SYT7: variants seen among roughly 807,000 people sequenced by gnomAD.
SYT7 encodes synaptotagmin 7, also known as synaptotagmin-7.
Under a neutral mutation model 75.1 loss-of-function variants are expected in SYT7, and 29 were observed. The observed-to-expected ratio is 0.39, with a 90% confidence interval of 0.29 to 0.53. SYT7 has a LOEUF of 0.53. Ranked by LOEUF, SYT7 falls within the 20% of genes least tolerant of loss-of-function variation. The probability of loss-of-function intolerance (pLI) is 0.77; values close to 1 mark genes in which losing one functional copy is unlikely to be tolerated. For synonymous variants in SYT7, 376 were observed against 401.7 expected (o/e 0.94, Z 0.76); for missense variants, 693 against 953.2 (o/e 0.73, Z 3.59).
At chr11:61,585,801 C>A (rs1432180756), upstream of SYT7, among the ~76,000 whole-genome samples, 2 of 152,150 alleles carry the variant, frequency 1.3e-5, no homozygotes, top group East Asian at 3.8e-4. Flanking sequence ...AGGGTTTGGA[C>A]CCCAGCATCA....
rs1009728699 is a variant in SYT7 at position 61,540,801 on chromosome 11, G to A, written c.941+1410C>T. 12 of 985,372 alleles carry A rather than the reference G, an allele frequency of 1.2e-5. No individual in the cohort carries two copies. The African/African-American group carries it at 1.4e-4, about 11-fold the overall frequency. 61.0% of individuals were successfully genotyped at this position (985,372 alleles called of 1,614,324 possible). A position where few individuals can be genotyped will look rare whatever the true frequency, so the allele number is the denominator to read the frequency against. ...AGGCTCTCAGTCCTGTTCAAGCCAC[G>A]CAGACCCAATTCCCTCGACTCTCCA... On this transcript the variant is annotated intron_variant, in intron 6 of 12. Transcript: ENST00000539008.
At chr11:61,533,244 G>A (rs936194306) in intron 7 of SYT7, 120 bp from the exon 8 acceptor site, 13 of 1,454,116 alleles carry the variant, frequency 8.9e-6, no homozygotes, top group Middle Eastern at 2.6e-4. Flanking sequence ...CCGGCGGGCC[G>A]GCAGGAGCGG....
At chr11:61,585,470 G>T (rs1482749705), upstream of SYT7, among the ~76,000 whole-genome samples, 2 of 152,144 alleles carry the variant, frequency 1.3e-5, no homozygotes, top group African/African-American at 4.8e-5. Context: ...GTGGTGACCG[G>T]CCAGGAGTGA....
chr11:61,540,572 A>G (rs2063011905), intron 6 of SYT7: 3 of 985,568 alleles, frequency 3.0e-6, no homozygotes, highest in Non-Finnish European at 3.6e-6. Context: ...CCTGGGGCAC[A>G]GAGCAGGGAC....
chr11:61,546,779 C>T lies in SYT7; in HGVS notation c.347+398G>A, dbSNP rs371588659. ...CCACGAACCACCGACCACCGACCAC[C>T]GACCACCGAGCAGCCACGGCAGCAC... is the stretch of plus-strand genomic sequence containing the variant. On this transcript the variant is annotated intron_variant, in intron 4 of 12. Coordinates refer to ENST00000539008, the MANE Select transcript of SYT7 (RefSeq NM_001365809.2). The surrounding 1 kb of genome is among the most constrained non-coding windows in gnomAD (Gnocchi z 7.6). 9 of 390,714 alleles carry T rather than the reference C, an allele frequency of 2.3e-5. No individual in the cohort carries two copies. The highest frequency in any genetic ancestry group is 9.8e-5 in the Admixed American group (3 of 30,480). The allele number at this position is 390,714 out of a possible 1,614,324, so 24.2% of individuals were successfully genotyped here.
rs1056730325 is a variant in SYT7 at position 61,579,417 on chromosome 11, C to T, written c.31+1373G>A. Reference sequence around the variant, plus strand: ...CACCTAGAGGACATTCAGAGAAGGGCGCAAGGTTCCAGAGAAGGAGACTGA... The same window carrying T: ...CACCTAGAGGACATTCAGAGAAGGGTGCAAGGTTCCAGAGAAGGAGACTGA... On this transcript the variant is annotated intron_variant, in intron 1 of 12. Transcript: ENST00000539008. 5.9e-5 allele frequency among the ~76,000 whole-genome samples: 9 copies of T among 152,318 alleles called. No individual in the cohort carries two copies. In the South Asian group the frequency reaches 1.0e-3, roughly 18 times the overall value.
At position 61,527,938 on chromosome 11, in the gene SYT7, C is replaced by T; in HGVS notation, c.1448G>A (p.Trp483Ter). Reference sequence around the variant, plus strand: ...ACCTTCAAAGAGGAAGGTCTCGTTCCAGTGGGGGTTCAGGTTCTTCCGCTT... The same window carrying T: ...ACCTTCAAAGAGGAAGGTCTCGTTCTAGTGGGGGTTCAGGTTCTTCCGCTT... ...KVKRKNLNPH[W>*]NETFLFEGFP... The change falls in exon 9 of 13, where the codon TGG becomes TAG. Residue 483 changes from tryptophan to a stop codon, truncating the protein, a stop_gained. Transcript: ENST00000539008. LOFTEE classifies it high-confidence loss of function. 6.2e-7 allele frequency: 1 copy of T among 1,614,114 alleles called. No homozygotes were observed. Among genetic ancestry groups the T allele is most frequent in the Non-Finnish European group, 8.5e-7 (1 of 1,180,012 alleles).
chr11:61,547,847 A>G lies in SYT7; in HGVS notation c.216-539T>C, dbSNP rs1238024549. ...GACTGGCTGTAACTGCTATACTATC[A>G]ACTCTCTCACTGCAGAATAAAAGCT... On this transcript the variant is annotated intron_variant, in intron 3 of 12. Coordinates refer to ENST00000539008, the MANE Select transcript of SYT7 (RefSeq NM_001365809.2). Among the ~76,000 whole-genome samples, 3 of 152,232 alleles carry G rather than the reference A, an allele frequency of 2.0e-5. No homozygotes were observed. The East Asian group carries it at 5.8e-4, about 29-fold the overall frequency.
At chr11:61,554,461 C>G (rs1282300932) in intron 2 of SYT7, among the ~76,000 whole-genome samples, 2 of 152,124 alleles carry the variant, frequency 1.3e-5, no homozygotes, top group Non-Finnish European at 2.9e-5. Flanking sequence ...CACACACACA[C>G]AGACACACAC....
rs2063077794 is a variant in SYT7, at chr11:61,542,671, C to G, written c.573-92G>C. On this transcript the variant is annotated intron_variant, in intron 5 of 12. Coordinates refer to ENST00000539008, the MANE Select transcript of SYT7 (RefSeq NM_001365809.2). The surrounding 1 kb of genome is among the most constrained non-coding windows in gnomAD (Gnocchi z 7.8). ...AAGCCGAGGGCCAGGACTAGGAGGC[C>G]CCAGTGCAGGGTGCGCGCTGCCGGA... 14 of 1,415,746 alleles carry G rather than the reference C, an allele frequency of 9.9e-6. No individual in the cohort carries two copies. Among genetic ancestry groups the G allele is most frequent in the African/African-American group, 1.5e-5 (1 of 66,868 alleles). The allele number at this position is 1,415,746 out of a possible 1,614,324, so 87.7% of individuals were successfully genotyped here. A position where few individuals can be genotyped will look rare whatever the true frequency, so the allele number is the denominator to read the frequency against.
At position 61,514,291 on chromosome 11, in the gene SYT7, C is replaced by G. The variant is rs12808337; in HGVS notation, c.*4336G>C. Among the ~76,000 whole-genome samples the G allele has an allele frequency of 0.23, 35,194 of 152,176 alleles. 4,825 individuals carry two copies. Among genetic ancestry groups the G allele is most frequent in the East Asian group, 0.41 (2,111 of 5,174 alleles). On this transcript the variant is annotated 3_prime_UTR_variant, in exon 13 of 13. Transcript: ENST00000539008. Reference sequence around the variant, plus strand: ...GCCCCTGAGGCTACTTACCTGACCCCGGGGCTTCCTCTGATCTCTGGAACA... The same window carrying G: ...GCCCCTGAGGCTACTTACCTGACCCGGGGGCTTCCTCTGATCTCTGGAACA...
chr11:61,524,051 C>G lies in SYT7; in HGVS notation c.1642-110G>C. ...CTGACCTTGGTGCTTACCCATGCCC[C>G]TGTCTGTCACCTCTGTCTCACTCTG... On this transcript the variant is annotated intron_variant, in intron 10 of 12. Transcript: ENST00000539008. This position sits in a 1 kb window ranked among gnomAD's most constrained non-coding sequence, Gnocchi z 4.1. 2 of 981,532 alleles carry G rather than the reference C, an allele frequency of 2.0e-6. No homozygotes were observed. Among genetic ancestry groups the G allele is most frequent in the Non-Finnish European group, 3.2e-6 (2 of 632,436 alleles). 60.8% of individuals were successfully genotyped at this position (981,532 alleles called of 1,614,324 possible).
chr11:61,534,617 G>T (rs940758468), intron 7 of SYT7, among the ~76,000 whole-genome samples: 1 of 152,202 alleles, frequency 6.6e-6, no homozygotes, highest in African/African-American at 2.4e-5. Flanking sequence ...GCACTGGGGA[G>T]ACCCAGGCAT....
intron 1 of SYT7, among the ~76,000 whole-genome samples, chr11:61,575,449 C>T (rs931199775): frequency 3.3e-5 from 5 of 152,218 alleles, no homozygotes; most frequent in Admixed American, 6.5e-5. Context: ...AACACACAGG[C>T]GAGATCAGTT....
chr11:61,570,820 A>T (rs1435915157), intron 1 of SYT7, among the ~76,000 whole-genome samples: 1 of 152,230 alleles, frequency 6.6e-6, no homozygotes, highest in Admixed American at 6.5e-5. Flanking sequence ...CTTACTGTGT[A>T]ACTTTGGACA....
intron 7 of SYT7, among the ~76,000 whole-genome samples, chr11:61,535,481 C>T (rs932631280): frequency 6.6e-5 from 10 of 152,172 alleles, no homozygotes; most frequent in African/African-American, 1.9e-4. Context: ...GGGGTGGACA[C>T]GAGCAGAGTG....
At chr11:61,529,929 C>T (rs908354565) in intron 8 of SYT7, among the ~76,000 whole-genome samples, 5 of 152,184 alleles carry the variant, frequency 3.3e-5, no homozygotes, top group Non-Finnish European at 7.3e-5. Context: ...GCCACACACC[C>T]GGCCTCACAC....
rs979681191 is a variant in SYT7 at position 61,546,289 on chromosome 11, G to C, written c.348-34C>G. 2 of 1,390,782 alleles carry C rather than the reference G, an allele frequency of 1.4e-6. No individual in the cohort carries two copies. The highest frequency in any genetic ancestry group is 3.2e-5 in the Admixed American group (1 of 31,040). 86.2% of individuals were successfully genotyped at this position (1,390,782 alleles called of 1,614,324 possible). The stretch of plus-strand genomic sequence containing the variant: ...ATGCACGAGGCAGCCAGGCCAGAGG[G>C]GCACCGGGGGTGGCGGTGGGGGAGA... On this transcript the variant is annotated intron_variant, in intron 4 of 12. Transcript: ENST00000539008. This position sits in a 1 kb window ranked among gnomAD's most constrained non-coding sequence, Gnocchi z 7.6.
rs183478196 is a variant in SYT7 at position 61,547,946 on chromosome 11, C to A, written c.216-638G>T. 2.0e-5 allele frequency among the ~76,000 whole-genome samples: 3 copies of A among 152,360 alleles called. No individual in the cohort carries two copies. In the East Asian group the frequency reaches 5.8e-4, roughly 29 times the overall value. On this transcript the variant is annotated intron_variant, in intron 3 of 12. Transcript: ENST00000539008. Reference sequence around the variant, plus strand: ...TGAGGCCCTCCTGGGGCAGGCCCAGCCCCTTGCCCATCTTTCTCCTCCTCC... The same window carrying A: ...TGAGGCCCTCCTGGGGCAGGCCCAGACCCTTGCCCATCTTTCTCCTCCTCC...
Sources: gnomAD v4.1 joint callset for allele counts (sites outside exome capture counted in the v4.1 genomes callset) on GRCh38, gnomAD v4.1.1 for gene constraint, Gnocchi (gnomAD v3.1) non-coding constraint, MANE v1.5 for transcripts, NCBI Gene and HGNC (gene_info 2026-07-23, HGNC 2026-07-21) for gene names.